Variants in MMD observed in about 807,000 individuals in gnomAD.
MMD encodes monocyte to macrophage differentiation associated, also known as monocyte to macrophage differentiation factor.
A neutral mutation model predicts 33.6 loss-of-function variants in MMD; 22 were observed. The observed-to-expected ratio is 0.66, with a 90% confidence interval of 0.47 to 0.94. MMD has a LOEUF of 0.94. MMD is among the 40% of genes least tolerant of loss of function. The probability of loss-of-function intolerance (pLI) is 0.00; values close to 1 mark genes in which losing one functional copy is unlikely to be tolerated. For synonymous variants in MMD, 97 were observed against 103.2 expected, an observed-to-expected ratio of 0.94 and a Z score of 0.36; for missense variants, 242 against 309.8, an observed-to-expected ratio of 0.78 and a Z score of 1.64.
intron 6 of MMD, among the ~76,000 whole-genome samples, chr17:55,396,622 C>T (rs1305765762): frequency 2.7e-5 from 4 of 149,288 alleles, no homozygotes; most frequent in Admixed American, 2.0e-4. Flanking sequence ...GGTGGTTATT[C>T]TTTTTTTTTT....
Position 55,407,760 on chromosome 17 carries a change from A to C in MMD, c.330T>G (p.Ala110=). 4 of 1,602,636 alleles carry C rather than the reference A, an allele frequency of 2.5e-6. No homozygotes were observed. Among genetic ancestry groups the C allele is most frequent in the Non-Finnish European group, 3.4e-6 (4 of 1,176,422 alleles). Residue 110 remains alanine, a synonymous_variant, in exon 4 of 7, where the codon GCT becomes GCG. Coordinates refer to ENST00000262065, the MANE Select transcript of MMD (RefSeq NM_012329.3). The part of the protein sequence containing the change: ...DRMVIYFFIA[A]SYAPWLNLRE... The stretch of plus-strand genomic sequence containing the variant: ...CTGTATCTTACCATGGAGCATAAGA[A>C]GCAGCAATGAAGAAATAGATAACCA...
intron 6 of MMD, among the ~76,000 whole-genome samples, chr17:55,401,139 C>T (rs1001756903): frequency 5.3e-5 from 8 of 152,104 alleles, no homozygotes; most frequent in East Asian, 1.9e-4. Context: ...TGCAAGCTTA[C>T]GAGTTGCTGG....
intron 5 of MMD, among the ~76,000 whole-genome samples, chr17:55,402,374 A>C (rs1907382345): frequency 1.3e-5 from 2 of 152,224 alleles, no homozygotes; most frequent in African/African-American, 4.8e-5. Flanking sequence ...TTTAAGGCTC[A>C]TCACGTTAGA....
rs34447290 is a variant in MMD, at chr17:55,392,760, A to G, written c.*1574T>C. Reference sequence around the variant, plus strand: ...AAAATAAAATATACACAGTAAAACAACAGGCATCCAGATGTTCAGAATCAT... The same window carrying G: ...AAAATAAAATATACACAGTAAAACAGCAGGCATCCAGATGTTCAGAATCAT... On this transcript the variant is annotated 3_prime_UTR_variant, in exon 7 of 7. Coordinates refer to ENST00000262065, the MANE Select transcript of MMD (RefSeq NM_012329.3). 265 of 152,630 alleles carry G rather than the reference A, an allele frequency of 1.7e-3. 1 individual carries two copies. The highest frequency in any genetic ancestry group is 4.8e-3 in the Admixed American group (73 of 15,296). The allele number at this position is 152,630 out of a possible 1,614,324, so 9.5% of individuals were successfully genotyped here.
chr17:55,394,617 C>T (rs1358305561), intron 6 of MMD, 83 bp from the exon 7 acceptor site: 2 of 1,121,290 alleles, frequency 1.8e-6, no homozygotes, highest in Non-Finnish European at 2.3e-6. Context: ...CTCTCTAAGG[C>T]TCTTGATTTT....
At chr17:55,410,324 G>A (rs913895797) in intron 3 of MMD, among the ~76,000 whole-genome samples, 3 of 152,206 alleles carry the variant, frequency 2.0e-5, no homozygotes, top group African/African-American at 4.8e-5. Flanking sequence ...CAGATTGTTT[G>A]AATAGTTTGA....
At chr17:55,394,805 T>C (rs934629109) in intron 6 of MMD, among the ~76,000 whole-genome samples, 1 of 152,256 alleles carries the variant, frequency 6.6e-6, no homozygotes, top group Non-Finnish European at 1.5e-5. Flanking sequence ...ATTTACAGCA[T>C]ATTTAAGCAA....
At position 55,409,715 on chromosome 17, in the gene MMD, G is replaced by T. The variant is rs138746910; in HGVS notation, c.269+1542C>A. Among the ~76,000 whole-genome samples, 64 of 152,308 alleles carry T rather than the reference G, an allele frequency of 4.2e-4. 1 individual carries two copies. The East Asian group carries it at 9.4e-3, about 22-fold the overall frequency. ...TAGCAATGCTATTCAAAGTTAAAGA[G>T]AATCTAGTTTCTATTACACCTCTGG... On this transcript the variant is annotated intron_variant, in intron 3 of 6. Transcript: ENST00000262065.
intron 6 of MMD, 62 bp from the exon 7 acceptor site, chr17:55,394,596 T>A: frequency 1.6e-6 from 2 of 1,267,144 alleles, no homozygotes; most frequent in Non-Finnish European, 1.0e-6. Context: ...AAGCTACAGA[T>A]AACTGTAATT....
At position 55,393,029 on chromosome 17, in the gene MMD, C is replaced by T. The variant is rs1366588806; in HGVS notation, c.*1305G>A. Reference sequence around the variant, plus strand: ...CCCATTACTAGGAAACAGGCAATATCAGCACCCGATCTAAAGGCAAGCCTA... The same window carrying T: ...CCCATTACTAGGAAACAGGCAATATTAGCACCCGATCTAAAGGCAAGCCTA... On this transcript the variant is annotated 3_prime_UTR_variant, in exon 7 of 7. Coordinates refer to ENST00000262065, the MANE Select transcript of MMD (RefSeq NM_012329.3). The T allele has an allele frequency of 6.6e-6, 1 of 152,096 alleles. No individual in the cohort carries two copies. Among genetic ancestry groups the T allele is most frequent in the Non-Finnish European group, 1.5e-5 (1 of 67,996 alleles). 9.4% of individuals were successfully genotyped at this position (152,096 alleles called of 1,614,324 possible).
rs897649734 is a variant in MMD at position 55,393,040 on chromosome 17, C to G, written c.*1294G>C. 6 of 152,102 alleles carry G rather than the reference C, an allele frequency of 3.9e-5. No homozygotes were observed. The highest frequency in any genetic ancestry group is 1.4e-4 in the African/African-American group (6 of 41,412). 9.4% of individuals were successfully genotyped at this position (152,102 alleles called of 1,614,324 possible). On this transcript the variant is annotated 3_prime_UTR_variant, in exon 7 of 7. Coordinates refer to ENST00000262065, the MANE Select transcript of MMD (RefSeq NM_012329.3). ...GAAACAGGCAATATCAGCACCCGATCTAAAGGCAAGCCTATTTCATTTATT... is the reference window on the plus strand; with the variant it reads ...GAAACAGGCAATATCAGCACCCGATGTAAAGGCAAGCCTATTTCATTTATT...
intron 1 of MMD, among the ~76,000 whole-genome samples, chr17:55,415,479 C>G (rs1598435555): frequency 6.6e-6 from 1 of 151,950 alleles, no homozygotes; most frequent in Non-Finnish European, 1.5e-5. Context: ...TATTCATACA[C>G]AAAATAAAAA....
chr17:55,402,298 C>A (rs749239872), intron 5 of MMD, among the ~76,000 whole-genome samples: 1 of 152,062 alleles, frequency 6.6e-6, no homozygotes, highest in Non-Finnish European at 1.5e-5. Context: ...AAAGGAACAG[C>A]AAGCCCTAAG....
chr17:55,404,792 T>A (rs1195141661), intron 4 of MMD: 1 of 982,908 alleles, frequency 1.0e-6, no homozygotes, highest in Non-Finnish European at 1.2e-6. Context: ...TCAGGAACAG[T>A]GGCTCACACC....
intron 1 of MMD, among the ~76,000 whole-genome samples, chr17:55,418,511 A>T (rs1908056049): frequency 6.6e-6 from 1 of 152,232 alleles, no homozygotes; most frequent in Non-Finnish European, 1.5e-5. Flanking sequence ...CGAATCTCAC[A>T]CACACACAAA....
intron 5 of MMD, among the ~76,000 whole-genome samples, chr17:55,403,231 A>G (rs16955933): frequency 0.037 from 5,589 of 152,300 alleles, 300 homozygotes; most frequent in African/African-American, 0.13. Flanking sequence ...TTGTTTTTAT[A>G]TGGCTCAATA....
At chr17:55,421,590 C>T (rs1908191730) in intron 1 of MMD, 80 bp downstream of exon 1, 1 of 1,571,620 alleles carries the variant, frequency 6.4e-7, no homozygotes. Context: ...GGTGAGGAGC[C>T]GGGAGCCGTG....
chr17:55,402,461 G>A (rs1907384680), intron 5 of MMD, among the ~76,000 whole-genome samples: 1 of 152,170 alleles, frequency 6.6e-6, no homozygotes, highest in Non-Finnish European at 1.5e-5. Context: ...CAAACCAGAC[G>A]ATAAGCTCCT....
At chr17:55,398,348 T>C (rs1907202115) in intron 6 of MMD, among the ~76,000 whole-genome samples, 1 of 151,576 alleles carries the variant, frequency 6.6e-6, no homozygotes, top group Admixed American at 6.6e-5. Context: ...AGTTTTCGGA[T>C]CTAGAATCTC....
Sources: allele counts gnomAD v4.1 joint callset (sites outside exome capture counted in the v4.1 genomes callset), GRCh38; gene constraint gnomAD v4.1.1; transcripts MANE v1.5; gene names NCBI Gene and HGNC (gene_info 2026-07-23, HGNC 2026-07-21).